The following RUFY2 variants were observed in gnomAD, a reference collection of about 807,000 sequenced individuals.
RUFY2 encodes the protein RUN and FYVE domain containing 2.
A neutral mutation model predicts 94.4 loss-of-function variants in RUFY2; 49 were observed. The ratio of observed to expected loss-of-function variants is 0.52; its 90% CI spans 0.41 to 0.66. RUFY2 has a LOEUF of 0.66. Ranked by LOEUF, RUFY2 falls within the 30% of genes least tolerant of loss-of-function variation. RUFY2 has a pLI of 0.00. For synonymous variants in RUFY2, 255 were observed against 235.7 expected, an observed-to-expected ratio of 1.08 and a Z score of -0.75; for missense variants, 541 against 692.8, an observed-to-expected ratio of 0.78 and a Z score of 2.46.
intron 15 of RUFY2, among the ~76,000 whole-genome samples, chr10:68,362,706 C>T (rs148433576): frequency 3.4e-4 from 52 of 151,978 alleles, no homozygotes; most frequent in African/African-American, 1.2e-3. Flanking sequence ...GAAAGGGTTG[C>T]TTGAGCCCAG....
At chr10:68,364,291 G>A (rs1221333169) in intron 13 of RUFY2, among the ~76,000 whole-genome samples, 178 bp from the exon 14 acceptor site, 1 of 152,122 alleles carries the variant, frequency 6.6e-6, no homozygotes, top group African/African-American at 2.4e-5. Context: ...GGGTTTTCCA[G>A]TCACAAAATA....
chr10:68,354,230 T>G (rs2046893622), intron 16 of RUFY2, among the ~76,000 whole-genome samples: 2 of 151,950 alleles, frequency 1.3e-5, no homozygotes, highest in African/African-American at 4.8e-5. Context: ...TGGCGTGCAG[T>G]AAGTAGCATG....
chr10:68,387,202 C>A (rs2049569838), intron 7 of RUFY2, among the ~76,000 whole-genome samples: 2 of 151,972 alleles, frequency 1.3e-5, no homozygotes, highest in South Asian at 4.1e-4. Context: ...ACTAAAAATA[C>A]AAAACTTAGC....
intron 7 of RUFY2, among the ~76,000 whole-genome samples, chr10:68,388,536 T>G (rs1283385725): frequency 1.3e-5 from 2 of 152,110 alleles, no homozygotes; most frequent in African/African-American, 4.8e-5. Context: ...AACTACTTTT[T>G]ATTAGAAAAA....
downstream of RUFY2, chr10:68,342,001 G>C (rs755404942): frequency 1.2e-6 from 2 of 1,614,088 alleles, no homozygotes; most frequent in East Asian, 4.5e-5. Context: ...AGGCAGTGGA[G>C]GTTACTATGG....
intron 15 of RUFY2, among the ~76,000 whole-genome samples, chr10:68,360,266 C>T (rs957195751): frequency 4.6e-4 from 70 of 151,418 alleles, no homozygotes; most frequent in African/African-American, 1.5e-3. Flanking sequence ...AGTGAGACCC[C>T]GCCTCCATAT....
At chr10:68,400,485 G>A (rs4746766) in intron 3 of RUFY2, among the ~76,000 whole-genome samples, 118,959 of 149,948 alleles carry the variant, frequency 0.79, 48,849 homozygotes, top group East Asian at 0.99. Flanking sequence ...GACCATCCTG[G>A]CTAACATGGT....
At chr10:68,345,985 A>G (rs778725611) in intron 17 of RUFY2, 22 bp downstream of exon 17, 4 of 1,612,140 alleles carry the variant, frequency 2.5e-6, no homozygotes, top group Admixed American at 1.7e-5. Context: ...AAATTTTTGG[A>G]CTCACTTCTT....
chr10:68,372,581 T>A (rs1313174134), intron 13 of RUFY2, among the ~76,000 whole-genome samples: 1 of 126,960 alleles, frequency 7.9e-6, no homozygotes, highest in Non-Finnish European at 1.6e-5. Context: ...CCCCTCTCTC[T>A]TTAAAAAAAA....
chr10:68,381,178 C>A, intron 11 of RUFY2, 54 bp downstream of exon 11: 1 of 1,451,192 alleles, frequency 6.9e-7, no homozygotes, highest in East Asian at 2.4e-5. Flanking sequence ...CAAAACCTTT[C>A]TACAAATATT....
chr10:68,405,426 T>C, intron 1 of RUFY2: 1 of 958,246 alleles, frequency 1.0e-6, no homozygotes, highest in Non-Finnish European at 1.2e-6. Flanking sequence ...CATTCTCCTG[T>C]ATTTAACTTT....
intron 10 of RUFY2, among the ~76,000 whole-genome samples, chr10:68,382,671 G>A (rs1294436792): frequency 5.5e-5 from 8 of 146,588 alleles, no homozygotes; most frequent in South Asian, 2.2e-4. Context: ...CCGAGATGGC[G>A]CCACTGCACT....
chr10:68,395,929 TG>T (rs1310961644), intron 4 of RUFY2, among the ~76,000 whole-genome samples: 3 of 152,202 alleles, frequency 2.0e-5, no homozygotes, highest in Non-Finnish European at 4.4e-5. Flanking sequence ...AGGACCACCA[TG>T]GGCCCACTCC....
At position 68,376,085 on chromosome 10, in the gene RUFY2, AGAGT is replaced by A. The variant is rs2048615268; in HGVS notation, c.1325+764_1325+767del. On this transcript the variant is annotated intron_variant, in intron 13 of 17. Coordinates refer to ENST00000602465, the MANE Select transcript of RUFY2 (RefSeq NM_001330103.2). ...GCCATTGCACTCCAGCCTGGGCGAC[AGAGT>A]GAGACTCCATCTCGAAGGAAAAAAA... Among the ~76,000 whole-genome samples, 10 of 150,756 alleles carry A rather than the reference AGAGT, an allele frequency of 6.6e-5. No individual in the cohort carries two copies. In the South Asian group the frequency reaches 2.1e-3, roughly 32 times the overall value.
At chr10:68,366,139 C>T (rs773655499) in intron 13 of RUFY2, among the ~76,000 whole-genome samples, 2 of 151,774 alleles carry the variant, frequency 1.3e-5, no homozygotes, top group Non-Finnish European at 2.9e-5. Context: ...CCAGCCTCCC[C>T]AACATGGTGA....
In RUFY2 at chr10:68,344,884, G is replaced by C. The variant is rs2046188889; in HGVS notation, c.*884C>G. ...AACTCTAATACATTACCAAAGCAAA[G>C]TCCTGATTTTTTTCTCACTTTTAAT... On this transcript the variant is annotated 3_prime_UTR_variant, in exon 18 of 18. Coordinates refer to ENST00000602465, the MANE Select transcript of RUFY2 (RefSeq NM_001330103.2). 1 of 152,104 alleles carries C rather than the reference G, an allele frequency of 6.6e-6. No individual in the cohort carries two copies. Among genetic ancestry groups the C allele is most frequent in the South Asian group, 2.1e-4 (1 of 4,828 alleles). 9.4% of individuals were successfully genotyped at this position (152,104 alleles called of 1,614,324 possible).
chr10:68,393,811 C>CA (rs992605889), intron 6 of RUFY2: 2 of 486,844 alleles, frequency 4.1e-6, no homozygotes, highest in Non-Finnish European at 6.4e-6. Flanking sequence ...TCTTTTATTC[C>CA]AAAAAACCAC....
At chr10:68,398,109 A>AGAGACAGACTCAGTCTCCAT (rs2050532228) in intron 3 of RUFY2, among the ~76,000 whole-genome samples, 2 of 147,318 alleles carry the variant, frequency 1.4e-5, no homozygotes, top group Middle Eastern at 3.5e-3. Context: ...CCTGGGCAAC[A>AGAGACAGACTCAGTCTCCAT]AGGTAAGATT....
chr10:68,343,808 T>TAAAAAAAAAAAAA lies in RUFY2; in HGVS notation c.*1947_*1959dup, dbSNP rs755419558. 8.6e-6 allele frequency: 1 copy of TAAAAAAAAAAAAA among 115,682 alleles called. No individual in the cohort carries two copies. The highest frequency in any genetic ancestry group is 3.9e-5 in the African/African-American group (1 of 25,394). The allele number at this position is 115,682 out of a possible 1,614,324, so 7.2% of individuals were successfully genotyped here. Reference sequence around the variant, plus strand: ...GCAAGTTGCTGTCATAAAAGCTGCCTAAAAAAAAAAAAAAAAAAAAAAAAA... The same window carrying TAAAAAAAAAAAAA: ...GCAAGTTGCTGTCATAAAAGCTGCCTAAAAAAAAAAAAAAAAAAAAAAAAAAAAAAAAAAAAAA... On this transcript the variant is annotated 3_prime_UTR_variant, in exon 18 of 18. Transcript: ENST00000602465.
Sources: allele counts gnomAD v4.1 joint callset (sites outside exome capture counted in the v4.1 genomes callset), GRCh38; gene constraint gnomAD v4.1.1; transcripts MANE v1.5; gene names NCBI Gene and HGNC (gene_info 2026-07-23, HGNC 2026-07-21).